Variants in XRCC6 observed in about 807,000 individuals in gnomAD.
XRCC6 encodes the protein X-ray repair cross complementing 6, also known as DNA repair protein Ku70.
XRCC6 carries 5 observed loss-of-function variants against 65.7 expected under a neutral mutation model. The observed-to-expected ratio is 0.08, with a 90% CI of 0.04 to 0.16. The LOEUF is 0.16. Ranked by LOEUF, XRCC6 falls within the 10% of genes least tolerant of loss-of-function variation. The pLI is 1.00. For synonymous variants in XRCC6, 270 were observed against 270.6 expected, an observed-to-expected ratio of 1.00 and a Z score of 0.02; for missense variants, 447 against 738.1, an observed-to-expected ratio of 0.61 and a Z score of 4.57.
intron 11 of XRCC6, among the ~76,000 whole-genome samples, chr22:41,659,144 C>T (rs555070403): frequency 2.6e-5 from 4 of 151,686 alleles, no homozygotes; most frequent in East Asian, 3.9e-4. Flanking sequence ...CATGATGGCC[C>T]GGCTGGTCTC....
intron 3 of XRCC6, among the ~76,000 whole-genome samples, chr22:41,634,037 T>C (rs1388960333): frequency 6.6e-6 from 1 of 152,200 alleles, no homozygotes; most frequent in Non-Finnish European, 1.5e-5. Flanking sequence ...CTACTTGCCA[T>C]GTGGATTGTT....
chr22:41,652,931 C>G (rs1440181096), intron 8 of XRCC6, among the ~76,000 whole-genome samples: 1 of 152,100 alleles, frequency 6.6e-6, no homozygotes, highest in Non-Finnish European at 1.5e-5. Context: ...CTGTGCCTCC[C>G]AAAGTGCTGG....
intron 2 of XRCC6, among the ~76,000 whole-genome samples, chr22:41,625,564 GTTAC>G (rs971138004): frequency 1.3e-5 from 2 of 152,182 alleles, no homozygotes; most frequent in Non-Finnish European, 2.9e-5. Context: ...GAAAAAATAT[GTTAC>G]TTATGATAAA....
intron 2 of XRCC6, among the ~76,000 whole-genome samples, chr22:41,625,926 C>T (rs1003542291): frequency 2.0e-5 from 3 of 152,038 alleles, no homozygotes; most frequent in African/African-American, 7.2e-5. Context: ...GCAATCTCTG[C>T]CTCCCAAGTT....
At chr22:41,626,711 C>T (rs1298662949) in intron 2 of XRCC6, among the ~76,000 whole-genome samples, 5 of 150,536 alleles carry the variant, frequency 3.3e-5, no homozygotes, top group Non-Finnish European at 7.4e-5. Context: ...GATCTCGGCT[C>T]ACTGGAAGCT....
intron 7 of XRCC6, 68 bp from the exon 8 acceptor site, chr22:41,650,655 T>C: frequency 6.5e-7 from 1 of 1,538,260 alleles, no homozygotes; most frequent in African/African-American, 1.4e-5. Context: ...GCTAGTGTCA[T>C]CATCTTCGAG....
At chr22:41,660,250 CAAAA>C (rs34978930) in intron 11 of XRCC6, among the ~76,000 whole-genome samples, 1 of 152,166 alleles carries the variant, frequency 6.6e-6, no homozygotes, top group African/African-American at 2.4e-5. Context: ...TGTAAGCTAA[CAAAA>C]AAGGAAACAA....
chr22:41,655,271 T>C (rs764016004), intron 9 of XRCC6, among the ~76,000 whole-genome samples: 1 of 151,496 alleles, frequency 6.6e-6, no homozygotes, highest in Non-Finnish European at 1.5e-5. Flanking sequence ...TGCTAAGATA[T>C]ATGGTAAGAA....
At chr22:41,658,732 G>A (rs2068070448) in intron 11 of XRCC6, among the ~76,000 whole-genome samples, 1 of 152,180 alleles carries the variant, frequency 6.6e-6, no homozygotes, top group Non-Finnish European at 1.5e-5. Flanking sequence ...TGGCCAACAT[G>A]TCTCTACTCT....
intron 6 of XRCC6, among the ~76,000 whole-genome samples, chr22:41,639,287 T>C (rs2067846384): frequency 6.7e-6 from 1 of 149,504 alleles, no homozygotes; most frequent in Non-Finnish European, 1.5e-5. Flanking sequence ...TGATTTCTTA[T>C]AAACCTGAGA....
intron 6 of XRCC6, among the ~76,000 whole-genome samples, chr22:41,645,218 T>C (rs2067918849): frequency 1.3e-5 from 2 of 151,652 alleles, no homozygotes; most frequent in South Asian, 4.2e-4. Context: ...GGAGAATCAC[T>C]TGAACCCGGG....
chr22:41,633,336 A>G (rs1318735346), intron 3 of XRCC6, among the ~76,000 whole-genome samples: 1 of 152,104 alleles, frequency 6.6e-6, no homozygotes, highest in Admixed American at 6.6e-5. Context: ...TGCTGATGTT[A>G]CTGATTTGGA....
At chr22:41,636,037 G>T in intron 3 of XRCC6, 76 bp from the exon 4 acceptor site, 1 of 1,326,692 alleles carries the variant, frequency 7.5e-7, no homozygotes, top group Non-Finnish European at 1.0e-6. Flanking sequence ...CATATTTTGA[G>T]CAACTAATAG....
chr22:41,626,635 T>G lies in XRCC6; in HGVS notation c.83-1483T>G, dbSNP rs547751969. 2.6e-3 allele frequency among the ~76,000 whole-genome samples: 383 copies of G among 147,288 alleles called. 4 individuals are homozygous for G. Among genetic ancestry groups the G allele is most frequent in the East Asian group, 0.016 (80 of 5,034 alleles). ...ACACCTGGCTAATGTTTGTTTGTTT[T>G]TTTTTTTGTTTTTTTTTTTTGAGAC... On this transcript the variant is annotated intron_variant, in intron 2 of 12. Transcript: ENST00000360079.
chr22:41,630,138 C>T (rs1452949437), intron 3 of XRCC6, among the ~76,000 whole-genome samples: 3 of 151,980 alleles, frequency 2.0e-5, no homozygotes, highest in Non-Finnish European at 4.4e-5. Context: ...CACGTGTCAC[C>T]ATGCCCAGCT....
chr22:41,650,438 G>A (rs560661047), intron 7 of XRCC6, among the ~76,000 whole-genome samples: 1 of 151,900 alleles, frequency 6.6e-6, no homozygotes, highest in African/African-American at 2.4e-5. Context: ...TCACTGTGTT[G>A]CCCAGGTTGG....
intron 6 of XRCC6, among the ~76,000 whole-genome samples, chr22:41,645,391 A>G (rs73424913): frequency 0.017 from 2,617 of 152,264 alleles, 75 homozygotes; most frequent in African/African-American, 0.059. Context: ...AGTTCTAGGA[A>G]TCTACGTAGC....
intron 6 of XRCC6, among the ~76,000 whole-genome samples, chr22:41,641,893 A>G (rs892548197): frequency 6.6e-6 from 1 of 152,078 alleles, no homozygotes; most frequent in Non-Finnish European, 1.5e-5. Flanking sequence ...TCTGGATTCA[A>G]GCAGTTCTCC....
At chr22:41,662,749 A>G (rs553215778) in intron 12 of XRCC6, among the ~76,000 whole-genome samples, 2 of 152,060 alleles carry the variant, frequency 1.3e-5, no homozygotes, top group Non-Finnish European at 1.5e-5. Flanking sequence ...CTGCACTCTC[A>G]CCCTTCCAGG....
Sources: allele counts gnomAD v4.1 joint callset (sites outside exome capture counted in the v4.1 genomes callset), GRCh38; gene constraint gnomAD v4.1.1; transcripts MANE v1.5; gene names NCBI Gene and HGNC (gene_info 2026-07-23, HGNC 2026-07-21).